The following FOCAD variants were observed in gnomAD, a reference collection of about 807,000 sequenced individuals.
FOCAD encodes KIAA1797.
In FOCAD, 198 loss-of-function variants were observed where a neutral mutation model predicts 225.6. That is an observed-to-expected ratio of 0.88 (90% CI 0.78 to 0.99). The LOEUF is 0.99. Among genes scored for constraint, FOCAD ranks in the 50% least tolerant of loss-of-function variants. The pLI is 0.00. For synonymous variants in FOCAD, 897 were observed against 755.0 expected, an observed-to-expected ratio of 1.19 and a Z score of -3.08; for missense variants, 2,713 against 2,123.6, an observed-to-expected ratio of 1.28 and a Z score of -5.46.
At chr9:20,690,213 C>G (rs1822892686) in intron 1 of FOCAD, among the ~76,000 whole-genome samples, 1 of 152,186 alleles carries the variant, frequency 6.6e-6, no homozygotes. Flanking sequence ...CAGCGCCTCA[C>G]TTATGCACTA....
At chr9:20,686,331 ATTTT>A (rs1822665582) in intron 1 of FOCAD, among the ~76,000 whole-genome samples, 1 of 152,030 alleles carries the variant, frequency 6.6e-6, no homozygotes, top group Admixed American at 6.6e-5. Context: ...TAATTTTTGT[ATTTT>A]TAGTAGAGAC....
chr9:20,935,638 A>G (rs933956921), intron 28 of FOCAD, among the ~76,000 whole-genome samples: 1 of 152,194 alleles, frequency 6.6e-6, no homozygotes, highest in African/African-American at 2.4e-5. Flanking sequence ...ACCTCATGTG[A>G]TCCACCTGCT....
In FOCAD at chr9:20,986,385, A is replaced by G; in HGVS notation, c.4826A>G (p.Gln1609Arg). 5 of 1,611,570 alleles carry G rather than the reference A, an allele frequency of 3.1e-6. No individual in the cohort carries two copies. Among genetic ancestry groups the G allele is most frequent in the Non-Finnish European group, 4.2e-6 (5 of 1,179,576 alleles). Reference protein sequence around the residue: ...NLTDMLSVAVQHREKEVLAWM... With the variant: ...NLTDMLSVAVRHREKEVLAWM... Reference sequence around the variant, plus strand: ...ACCGATATGCTGAGCGTTGCTGTGCAGCACCGTGAGAAAGAGGTGTTGGCC... The same window carrying G: ...ACCGATATGCTGAGCGTTGCTGTGCGGCACCGTGAGAAAGAGGTGTTGGCC... The change falls in exon 40 of 44, where the codon CAG becomes CGG. Residue 1609 changes from glutamine (Q) to arginine (R), a missense_variant. Gln to Arg is a conservative substitution (Grantham distance 43). Coordinates refer to ENST00000338382, the MANE Select transcript of FOCAD (RefSeq NM_001375567.1).
At chr9:20,959,849 ATAGATT>A (rs1446047024) in intron 35 of FOCAD, among the ~76,000 whole-genome samples, 1 of 152,220 alleles carries the variant, frequency 6.6e-6, no homozygotes, top group Non-Finnish European at 1.5e-5. Flanking sequence ...CTATAGATAT[ATAGATT>A]AATTTCTGAG....
intron 19 of FOCAD, among the ~76,000 whole-genome samples, chr9:20,877,227 G>T (rs1327623840): frequency 6.6e-6 from 1 of 152,088 alleles, no homozygotes; most frequent in Non-Finnish European, 1.5e-5. Context: ...TGAGGGGTTT[G>T]GGCCATCACC....
chr9:20,955,580 G>T, intron 35 of FOCAD, among the ~76,000 whole-genome samples: 1 of 149,370 alleles, frequency 6.7e-6, no homozygotes, highest in East Asian at 2.0e-4. Context: ...CATAGCCCTG[G>T]AATTCCTCTA....
At chr9:20,915,874 A>G (rs541936496) in intron 23 of FOCAD, among the ~76,000 whole-genome samples, 1 of 152,296 alleles carries the variant, frequency 6.6e-6, no homozygotes, top group African/African-American at 2.4e-5. Context: ...TCATTTGTAA[A>G]TATTCCACAC....
intron 21 of FOCAD, among the ~76,000 whole-genome samples, chr9:20,898,689 G>T (rs1183102949): frequency 1.3e-5 from 2 of 151,850 alleles, no homozygotes; most frequent in African/African-American, 4.8e-5. Context: ...TTCCCGGTCT[G>T]TTAATTCCAG....
At chr9:20,763,097 A>G (rs1489668563) in intron 6 of FOCAD, among the ~76,000 whole-genome samples, 8 of 152,166 alleles carry the variant, frequency 5.3e-5, no homozygotes, top group Admixed American at 5.2e-4. Context: ...ATCATTCCTT[A>G]TATATAAGAA....
chr9:20,979,339 T>C (rs1214669113), intron 37 of FOCAD, among the ~76,000 whole-genome samples: 5 of 152,190 alleles, frequency 3.3e-5, no homozygotes, highest in Non-Finnish European at 7.3e-5. Flanking sequence ...TTGTTTCTGT[T>C]TTTTTGTTGT....
At chr9:20,824,627 A>G (rs1346245222) in intron 15 of FOCAD, among the ~76,000 whole-genome samples, 1 of 152,096 alleles carries the variant, frequency 6.6e-6, no homozygotes, top group African/African-American at 2.4e-5. Flanking sequence ...TTTAGGCACT[A>G]GTGTACATAA....
chr9:20,749,229 A>G (rs1314463489), intron 5 of FOCAD, among the ~76,000 whole-genome samples: 1 of 152,156 alleles, frequency 6.6e-6, no homozygotes, highest in African/African-American at 2.4e-5. Context: ...TCGTTGTAAT[A>G]GGAAGTATAT....
intron 3 of FOCAD, among the ~76,000 whole-genome samples, chr9:20,718,356 A>C (rs1012086560): frequency 1.3e-5 from 2 of 152,230 alleles, no homozygotes; most frequent in African/African-American, 2.4e-5. Context: ...GTGAATGCTC[A>C]GAGTTGAAGC....
At chr9:20,810,482 A>T (rs1415347384) in intron 11 of FOCAD, among the ~76,000 whole-genome samples, 1 of 152,128 alleles carries the variant, frequency 6.6e-6, no homozygotes, top group African/African-American at 2.4e-5. Flanking sequence ...ACTGCCAAAG[A>T]TTTAGAGCTC....
rs75070221 is a variant in FOCAD at position 20,663,556 on chromosome 9, C to T, written c.-78+4730C>T. ...TGCAATCTTCCAATCTATCATCTAT[C>T]CTTAATCACTTAATAGACATTTTAT... On this transcript the variant is annotated intron_variant, in intron 2 of 45. Coordinates refer to the FOCAD transcript ENST00000380249. Among the ~76,000 whole-genome samples, 679 of 151,932 alleles carry T rather than the reference C, an allele frequency of 4.5e-3. 4 individuals are homozygous for T. The highest frequency in any genetic ancestry group is 0.016 in the African/African-American group (650 of 41,418).
At chr9:20,845,472 G>A (rs941983691) in intron 15 of FOCAD, among the ~76,000 whole-genome samples, 2 of 75,516 alleles carry the variant, frequency 2.6e-5, no homozygotes, top group African/African-American at 1.1e-4. Flanking sequence ...TATATGACAC[G>A]TGGTATATCA....
chr9:20,980,894 C>T (rs1164241874), intron 37 of FOCAD, among the ~76,000 whole-genome samples: 2 of 152,160 alleles, frequency 1.3e-5, no homozygotes, highest in African/African-American at 2.4e-5. Context: ...GGTGCCTGGT[C>T]AGTTCTACGT....
At chr9:20,796,460 A>G (rs1821118064) in intron 11 of FOCAD, among the ~76,000 whole-genome samples, 1 of 152,126 alleles carries the variant, frequency 6.6e-6, no homozygotes, top group African/African-American at 2.4e-5. Flanking sequence ...GTTTCTCCAC[A>G]TCCTCTCCAG....
At chr9:20,889,477 G>A (rs1249527479) in intron 21 of FOCAD, among the ~76,000 whole-genome samples, 2 of 152,174 alleles carry the variant, frequency 1.3e-5, no homozygotes, top group South Asian at 2.1e-4. Flanking sequence ...TATAATGTAT[G>A]TGTTATTTGT....
Sources: allele counts gnomAD v4.1 joint callset (sites outside exome capture counted in the v4.1 genomes callset), GRCh38; gene constraint gnomAD v4.1.1; transcripts MANE v1.5; gene names NCBI Gene and HGNC (gene_info 2026-07-23, HGNC 2026-07-21).